Variants in TRPM8 observed in about 807,000 individuals in gnomAD.
The protein encoded by TRPM8 is transient receptor potential cation channel subfamily M member 8.
TRPM8 carries 110 observed loss-of-function variants against 133.7 expected under a neutral mutation model. The observed-to-expected ratio is 0.82, with a 90% CI of 0.70 to 0.96. TRPM8 has a LOEUF of 0.96. TRPM8 is among the 40% of genes least tolerant of loss of function. The probability of loss-of-function intolerance (pLI) is 0.00; values close to 1 mark genes in which losing one functional copy is unlikely to be tolerated. For synonymous variants in TRPM8, 535 were observed against 532.3 expected, an observed-to-expected ratio of 1.01 and a Z score of -0.07; for missense variants, 1,291 against 1,379.5, an observed-to-expected ratio of 0.94 and a Z score of 1.02.
intron 2 of TRPM8, among the ~76,000 whole-genome samples, chr2:233,927,367 C>T (rs866914946): frequency 9.2e-5 from 14 of 152,168 alleles, no homozygotes; most frequent in African/African-American, 2.7e-4. Context: ...CAAACAAATA[C>T]GCAAAAACCT....
chr2:233,966,286 T>A (rs1368908678), intron 14 of TRPM8, among the ~76,000 whole-genome samples: 1 of 152,078 alleles, frequency 6.6e-6, no homozygotes, highest in Non-Finnish European at 1.5e-5. Context: ...GTTAGATCCC[T>A]TCTCAGTGGC....
chr2:233,922,206 G>A (rs1161040562), intron 1 of TRPM8, among the ~76,000 whole-genome samples: 1 of 152,060 alleles, frequency 6.6e-6, no homozygotes, highest in African/African-American at 2.4e-5. Flanking sequence ...GTCAGCAAGG[G>A]TTGTGCAAAA....
At chr2:233,940,388 G>T (rs940031602) in intron 5 of TRPM8, among the ~76,000 whole-genome samples, 43 of 151,530 alleles carry the variant, frequency 2.8e-4, no homozygotes, top group African/African-American at 1.0e-3. Context: ...ACTGTGGGTT[G>T]TCACTTTGTT....
At chr2:234,013,217 CT>C in intron 24 of TRPM8, 1 of 152,278 alleles carries the variant, frequency 6.6e-6, no homozygotes. Context: ...TGACTGTCTG[CT>C]AGAATTTACC....
rs1268815170 is a variant in TRPM8 at position 234,018,828 on chromosome 2, G to C, written c.*1572G>C. On this transcript the variant is annotated 3_prime_UTR_variant, in exon 26 of 26. Coordinates refer to ENST00000324695, the MANE Select transcript of TRPM8 (RefSeq NM_024080.5). ...CCACTGCACTCCAGCCGGGGTGACA[G>C]AGTGAGACTCCGACTGAAAATAAAT... 1 of 149,880 alleles carries C rather than the reference G, an allele frequency of 6.7e-6. No homozygotes were observed. Among genetic ancestry groups the C allele is most frequent in the Non-Finnish European group, 1.5e-5 (1 of 67,806 alleles). The allele number at this position is 149,880 out of a possible 1,614,324, so 9.3% of individuals were successfully genotyped here.
At chr2:234,012,474 AGAGTGT>A (rs1336222435) in intron 24 of TRPM8, among the ~76,000 whole-genome samples, 14 of 105,868 alleles carry the variant, frequency 1.3e-4, no homozygotes, top group African/African-American at 6.5e-5. Flanking sequence ...TGTGTGTGTG[AGAGTGT>A]GTGTGTGTGT....
chr2:233,970,333 C>A lies in TRPM8; in HGVS notation c.2262C>A (p.Tyr754Ter). The change falls in exon 17 of 26, where the codon TAC (tyrosine) becomes TAA (stop). Residue 754 changes from tyrosine (Y) to a stop codon, truncating the protein, a stop_gained. Transcript: ENST00000324695. LOFTEE classifies it high-confidence loss of function. ...FYIAFLLLFAYVLLMDFHSVP... is the reference protein window; with the variant it reads ...FYIAFLLLFA ...TCGCCTTCCTCCTGCTGTTTGCCTACGTGCTGCTCATGGATTTCCATTCGG... is the reference window on the plus strand; with the variant it reads ...TCGCCTTCCTCCTGCTGTTTGCCTAAGTGCTGCTCATGGATTTCCATTCGG... The A allele has an allele frequency of 6.2e-7, 1 of 1,614,202 alleles. No individual in the cohort carries two copies. Among genetic ancestry groups the A allele is most frequent in the Non-Finnish European group, 8.5e-7 (1 of 1,180,042 alleles).
At chr2:233,956,380 T>A (rs1175691638) in intron 11 of TRPM8, among the ~76,000 whole-genome samples, 4 of 152,174 alleles carry the variant, frequency 2.6e-5, no homozygotes, top group Non-Finnish European at 5.9e-5. Flanking sequence ...GTGATTAGTG[T>A]TTTAGGATTG....
At chr2:233,938,635 G>A (rs1348949677) in intron 4 of TRPM8, among the ~76,000 whole-genome samples, 1 of 152,118 alleles carries the variant, frequency 6.6e-6, no homozygotes, top group African/African-American at 2.4e-5. Context: ...AAGTAGATAA[G>A]AGACAAATAG....
chr2:233,984,239 A>G (rs1692085393), intron 20 of TRPM8, among the ~76,000 whole-genome samples: 1 of 152,070 alleles, frequency 6.6e-6, no homozygotes, highest in African/African-American at 2.4e-5. Flanking sequence ...CATCTTCTCT[A>G]CAGGGCCTCT....
At chr2:233,993,234 AT>A (rs1692326946) in intron 21 of TRPM8, among the ~76,000 whole-genome samples, 1 of 152,216 alleles carries the variant, frequency 6.6e-6, no homozygotes, top group Admixed American at 6.5e-5. Context: ...CTGGGAAAGC[AT>A]TGCTGCTCAC....
intron 2 of TRPM8, among the ~76,000 whole-genome samples, chr2:233,929,054 G>C (rs976710722): frequency 6.7e-6 from 1 of 148,300 alleles, no homozygotes; most frequent in Non-Finnish European, 1.5e-5. Context: ...ACGGTGAGAC[G>C]TGTAACCATT....
chr2:233,979,628 C>T lies in TRPM8; in HGVS notation c.2356-560C>T, dbSNP rs188522644. On this transcript the variant is annotated intron_variant, in intron 17 of 25. Coordinates refer to ENST00000324695, the MANE Select transcript of TRPM8 (RefSeq NM_024080.5). The stretch of plus-strand genomic sequence containing the variant: ...AGAATCATGACCAATACATACACGT[C>T]GGTCCCTGAGGCACACTGTTCCTGT... Among the ~76,000 whole-genome samples the T allele has an allele frequency of 1.0e-3, 155 of 152,344 alleles. 1 individual carries two copies. The Middle Eastern group carries it at 0.01, about 10-fold the overall frequency.
chr2:233,935,347 G>C (rs925113687), intron 3 of TRPM8, among the ~76,000 whole-genome samples: 3 of 152,186 alleles, frequency 2.0e-5, no homozygotes, highest in African/African-American at 7.2e-5. Flanking sequence ...AGGATGCTGG[G>C]GTGAGTGGGG....
intron 12 of TRPM8, among the ~76,000 whole-genome samples, chr2:233,961,924 C>T (rs1456436510): frequency 6.6e-6 from 1 of 152,186 alleles, no homozygotes; most frequent in Non-Finnish European, 1.5e-5. Flanking sequence ...CCACCGTGTC[C>T]GGCCTCAGGT....
At chr2:233,934,480 T>C (rs1224573530) in intron 3 of TRPM8, among the ~76,000 whole-genome samples, 1 of 152,184 alleles carries the variant, frequency 6.6e-6, no homozygotes, top group African/African-American at 2.4e-5. Flanking sequence ...AACAGGCTCA[T>C]CTTGATCCTA....
chr2:234,001,338 T>C (rs958597398), intron 22 of TRPM8, among the ~76,000 whole-genome samples: 14 of 152,170 alleles, frequency 9.2e-5, no homozygotes, highest in African/African-American at 2.9e-4. Flanking sequence ...CAATATGCCG[T>C]GGTGCCATAT....
At chr2:233,996,990 C>A (rs1012846747) in intron 22 of TRPM8, among the ~76,000 whole-genome samples, 5 of 152,168 alleles carry the variant, frequency 3.3e-5, no homozygotes, top group Non-Finnish European at 5.9e-5. Flanking sequence ...TGTGGCCAGG[C>A]GTGGTGGCTC....
In TRPM8 at chr2:233,966,742, A is replaced by G. The variant is rs1276397519; in HGVS notation, c.2012A>G (p.Gln671Arg). The change falls in exon 15 of 26, where the codon CAG becomes CGG. Residue 671 changes from glutamine (Q) to arginine (R), a missense_variant. By Grantham distance (43) the Gln-to-Arg change is conservative. Around this residue, in one of 2 missense-constraint regions of TRPM8, gnomAD observed 963 missense variants for 968.9 expected, o/e 0.99. Transcript: ENST00000324695. Reference protein sequence around the residue: ...VEATDQHFIAQPGVQNFLSKQ... With the variant: ...VEATDQHFIARPGVQNFLSKQ... The stretch of plus-strand genomic sequence containing the variant: ...GCCACAGACCAGCATTTCATCGCCC[A>G]GCCTGGGGTCCAGGTAAACCATACT... 6.3e-7 allele frequency: 1 copy of G among 1,585,524 alleles called. No individual in the cohort carries two copies. The highest frequency in any genetic ancestry group is 2.3e-5 in the East Asian group (1 of 44,136).
Sources: gnomAD v4.1 joint callset for allele counts (sites outside exome capture counted in the v4.1 genomes callset) on GRCh38, gnomAD v4.1.1 for gene constraint, gnomAD v4.1.1 regional missense constraint, MANE v1.5 for transcripts, NCBI Gene and HGNC (gene_info 2026-07-23, HGNC 2026-07-21) for gene names.